Variants in PTP4A1 observed in about 807,000 individuals in gnomAD.
PTP4A1 encodes the protein protein tyrosine phosphatase 4A1.
A neutral mutation model predicts 20.5 loss-of-function variants in PTP4A1; 9 were observed. The ratio of observed to expected loss-of-function variants is 0.44; its 90% CI spans 0.26 to 0.77. The LOEUF (loss-of-function observed/expected upper bound fraction) is 0.77, where lower values mean the gene tolerates loss of function less well. Among genes scored for constraint, PTP4A1 ranks in the 30% least tolerant of loss-of-function variants. The pLI is 0.19. For missense variants in PTP4A1, 137 were observed against 218.8 expected, an observed-to-expected ratio of 0.63 and a Z score of 2.36; for synonymous variants, 78 against 67.4, an observed-to-expected ratio of 1.16 and a Z score of -0.77.
intron 2 of PTP4A1, among the ~76,000 whole-genome samples, chr6:63,533,511 C>G (rs1008570839): frequency 7.9e-5 from 12 of 152,148 alleles, no homozygotes; most frequent in African/African-American, 2.9e-4. Context: ...GTTGGAGATT[C>G]ACAGTGAGTT....
chr6:63,550,944 A>T (rs934328007), intron 3 of PTP4A1, among the ~76,000 whole-genome samples: 1 of 152,096 alleles, frequency 6.6e-6, no homozygotes, highest in Non-Finnish European at 1.5e-5. Context: ...TTTTTCAAAT[A>T]ACCTTTATTT....
At chr6:63,577,018 GATTGCAATATAATAGTGGGACTT>G in intron 2 of PTP4A1, 33 bp downstream of exon 2, 1 of 1,529,230 alleles carries the variant, frequency 6.5e-7, no homozygotes, top group Non-Finnish European at 9.0e-7. Flanking sequence ...AGCTTAAATT[GATTGCAATATAATAGTGGGACTT>G]ATAGCTAACA....
chr6:63,541,392 A>G (rs907563586), intron 2 of PTP4A1, among the ~76,000 whole-genome samples: 1 of 151,958 alleles, frequency 6.6e-6, no homozygotes, highest in African/African-American at 2.4e-5. Flanking sequence ...TCTCTACTAA[A>G]AAAACAAAAA....
Position 63,523,179 on chromosome 6 carries a change from A to AT in PTP4A1, c.-906+1362dup, listed in dbSNP as rs201787839. Reference sequence around the variant, plus strand: ...TAGTACCCAGCCGAATCACTCTTTTATTTTTTTTTACATCACTCTTACGAG... The same window carrying AT: ...TAGTACCCAGCCGAATCACTCTTTTATTTTTTTTTTACATCACTCTTACGAG... On this transcript the variant is annotated intron_variant, in intron 1 of 3. Coordinates refer to the PTP4A1 transcript ENST00000639568. Among the ~76,000 whole-genome samples, 873 of 150,794 alleles carry AT rather than the reference A, an allele frequency of 5.8e-3. 6 individuals are homozygous for AT. Among genetic ancestry groups the AT allele is most frequent in the African/African-American group, 0.019 (797 of 41,100 alleles).
chr6:63,559,980 A>G (rs1253923835), intron 3 of PTP4A1, among the ~76,000 whole-genome samples: 1 of 152,196 alleles, frequency 6.6e-6, no homozygotes, highest in East Asian at 1.9e-4. Flanking sequence ...ACAGGAATAT[A>G]TAATATTGTG....
At chr6:63,523,497 T>C (rs1775027735) in intron 1 of PTP4A1, among the ~76,000 whole-genome samples, 1 of 151,724 alleles carries the variant, frequency 6.6e-6, no homozygotes, top group South Asian at 2.1e-4. Flanking sequence ...GGCAACAGAG[T>C]GAGACTCCAT....
At chr6:63,523,331 G>A (rs143614327) in intron 1 of PTP4A1, among the ~76,000 whole-genome samples, 51 of 151,954 alleles carry the variant, frequency 3.4e-4, no homozygotes, top group East Asian at 2.3e-3. Context: ...TCAGGAGTTC[G>A]AGACTAGCCT....
upstream of PTP4A1, among the ~76,000 whole-genome samples, chr6:63,520,241 C>A (rs1358196055): frequency 6.6e-6 from 1 of 152,104 alleles, no homozygotes; most frequent in African/African-American, 2.4e-5. Context: ...TTATGTGATT[C>A]TTATCTTTAA....
chr6:63,562,627 T>A (rs1390901329), intron 3 of PTP4A1, among the ~76,000 whole-genome samples: 1 of 152,236 alleles, frequency 6.6e-6, no homozygotes, highest in Non-Finnish European at 1.5e-5. Context: ...AACAAAACAG[T>A]GCAAATATGT....
intron 3 of PTP4A1, among the ~76,000 whole-genome samples, chr6:63,561,241 A>T (rs1253679457): frequency 6.6e-6 from 1 of 152,180 alleles, no homozygotes; most frequent in African/African-American, 2.4e-5. Context: ...GTATGACCCT[A>T]AGCTTTCTGA....
rs1209169232 is a variant in PTP4A1 at position 63,528,745 on chromosome 6, A to G, written c.-640+661A>G. Among the ~76,000 whole-genome samples the G allele has an allele frequency of 2.0e-5, 3 of 152,110 alleles. No individual in the cohort carries two copies. In the East Asian group the frequency reaches 5.8e-4, roughly 29 times the overall value. On this transcript the variant is annotated intron_variant, in intron 2 of 3. Coordinates refer to the PTP4A1 transcript ENST00000639568. ...ACCACTGTACTCCAGCCTGGGGGACAGAGTGAGACCCTGTCTCAAAAAAAA... is the reference window on the plus strand; with the variant it reads ...ACCACTGTACTCCAGCCTGGGGGACGGAGTGAGACCCTGTCTCAAAAAAAA...
At chr6:63,547,024 G>A (rs954416423) in intron 2 of PTP4A1, among the ~76,000 whole-genome samples, 2 of 152,018 alleles carry the variant, frequency 1.3e-5, no homozygotes, top group Non-Finnish European at 2.9e-5. Context: ...TTGGATTATA[G>A]TAGTGATAGA....
chr6:63,561,311 G>C (rs1433518633), intron 3 of PTP4A1, among the ~76,000 whole-genome samples: 1 of 152,092 alleles, frequency 6.6e-6, no homozygotes, highest in Non-Finnish European at 1.5e-5. Context: ...TTTATGAAAG[G>C]TTTAATATAG....
At chr6:63,554,482 A>G (rs1255343595) in intron 3 of PTP4A1, among the ~76,000 whole-genome samples, 1 of 152,134 alleles carries the variant, frequency 6.6e-6, no homozygotes, top group Non-Finnish European at 1.5e-5. Flanking sequence ...GCCTTCCCAT[A>G]GCACACAATA....
intron 3 of PTP4A1, among the ~76,000 whole-genome samples, chr6:63,551,585 G>C (rs1242423112): frequency 1.3e-5 from 2 of 151,990 alleles, no homozygotes; most frequent in African/African-American, 4.8e-5. Context: ...TGTGCACAAT[G>C]TGCAGGTTTG....
At chr6:63,579,627 A>G (rs563698912) in intron 5 of PTP4A1, among the ~76,000 whole-genome samples, 63 of 152,352 alleles carry the variant, frequency 4.1e-4, no homozygotes, top group African/African-American at 1.4e-3. Context: ...AAGATACAAT[A>G]AAATGCACAG....
intron 3 of PTP4A1, among the ~76,000 whole-genome samples, chr6:63,555,838 T>C (rs1476543627): frequency 6.6e-6 from 1 of 151,664 alleles, no homozygotes; most frequent in Non-Finnish European, 1.5e-5. Context: ...GAATTACAGG[T>C]GTGTACCAGA....
intron 5 of PTP4A1, among the ~76,000 whole-genome samples, chr6:63,579,620 A>T (rs1007898182): frequency 2.0e-5 from 3 of 152,206 alleles, no homozygotes; most frequent in African/African-American, 7.2e-5. Flanking sequence ...ACATTTAAAG[A>T]TACAATAAAA....
At chr6:63,530,428 A>G (rs1470277451) in intron 2 of PTP4A1, among the ~76,000 whole-genome samples, 1 of 152,152 alleles carries the variant, frequency 6.6e-6, no homozygotes, top group Non-Finnish European at 1.5e-5. Context: ...TGTAGTTGGG[A>G]TGGTACCATA....
Sources: allele counts gnomAD v4.1 joint callset (sites outside exome capture counted in the v4.1 genomes callset), GRCh38; gene constraint gnomAD v4.1.1; transcripts MANE v1.5; gene names NCBI Gene and HGNC (gene_info 2026-07-23, HGNC 2026-07-21).